The following ZMAT4 variants were observed in gnomAD, a reference collection of about 807,000 sequenced individuals.
ZMAT4 encodes zinc finger matrin-type protein 4.
In ZMAT4, 17 loss-of-function variants were observed where a neutral mutation model predicts 28.7. That is an observed-to-expected ratio of 0.59 (90% confidence interval 0.41 to 0.89). The LOEUF (loss-of-function observed/expected upper bound fraction) is 0.89, where lower values mean the gene tolerates loss of function less well. Ranked by LOEUF, ZMAT4 falls within the 40% of genes least tolerant of loss-of-function variation. The probability of loss-of-function intolerance (pLI) is 0.00; values close to 1 mark genes in which losing one functional copy is unlikely to be tolerated. For synonymous variants in ZMAT4, 117 were observed against 109.2 expected (o/e 1.07, Z -0.44); for missense variants, 240 against 283.8 (o/e 0.85, Z 1.11).
chr8:40,623,170 C>T (rs1169830206), intron 5 of ZMAT4, among the ~76,000 whole-genome samples: 2 of 152,012 alleles, frequency 1.3e-5, no homozygotes, highest in East Asian at 1.9e-4. Context: ...AAAATGGCAG[C>T]GTGGATGCTA....
At chr8:40,638,359 T>A (rs930076147) in intron 5 of ZMAT4, among the ~76,000 whole-genome samples, 4 of 152,178 alleles carry the variant, frequency 2.6e-5, no homozygotes, top group African/African-American at 9.6e-5. Context: ...CAATTAAAGA[T>A]AAAGTTAAAA....
At chr8:40,815,747 C>A (rs959601967) in intron 2 of ZMAT4, among the ~76,000 whole-genome samples, 4 of 152,202 alleles carry the variant, frequency 2.6e-5, no homozygotes, top group Non-Finnish European at 5.9e-5. Context: ...AACTGGAAAA[C>A]CTCTTGTGTT....
intron 2 of ZMAT4, among the ~76,000 whole-genome samples, chr8:40,820,290 GTGTA>G (rs1232361763): frequency 5.3e-5 from 8 of 149,598 alleles, no homozygotes; most frequent in African/African-American, 9.8e-5. Flanking sequence ...GTATTTATGT[GTGTA>G]TGTGTGTGCG....
At chr8:40,725,562 C>A (rs1220231140) in intron 3 of ZMAT4, among the ~76,000 whole-genome samples, 13 of 152,142 alleles carry the variant, frequency 8.5e-5, no homozygotes, top group Non-Finnish European at 1.9e-4. Context: ...ATGTGCTTTG[C>A]GGATCCTCTG....
At chr8:40,825,996 C>T (rs778829950) in intron 1 of ZMAT4, among the ~76,000 whole-genome samples, 5 of 152,184 alleles carry the variant, frequency 3.3e-5, no homozygotes, top group Non-Finnish European at 4.4e-5. Flanking sequence ...CCGTGGCTCA[C>T]GCCTGTAGTC....
At chr8:40,773,017 G>A (rs931677642) in intron 2 of ZMAT4, among the ~76,000 whole-genome samples, 1 of 152,204 alleles carries the variant, frequency 6.6e-6, no homozygotes, top group Non-Finnish European at 1.5e-5. Flanking sequence ...GGGTCCCAGG[G>A]ATGAGCCCTG....
chr8:40,638,541 T>G (rs1038500689), intron 5 of ZMAT4, among the ~76,000 whole-genome samples: 2 of 152,254 alleles, frequency 1.3e-5, no homozygotes, highest in Non-Finnish European at 1.5e-5. Context: ...CTATCTGTGT[T>G]TGTTATAAGG....
chr8:40,866,485 G>A (rs950338802), intron 1 of ZMAT4, among the ~76,000 whole-genome samples: 5 of 152,236 alleles, frequency 3.3e-5, no homozygotes, highest in Admixed American at 2.0e-4. Flanking sequence ...TAATAACGCT[G>A]CCCTGATTTA....
At chr8:40,808,987 T>C (rs1406952244) in intron 2 of ZMAT4, among the ~76,000 whole-genome samples, 13 of 152,192 alleles carry the variant, frequency 8.5e-5, no homozygotes, top group Non-Finnish European at 2.9e-5. Context: ...GGGTCGATTA[T>C]TCTGTCAAAA....
chr8:40,560,396 T>G (rs1001349214), intron 6 of ZMAT4, among the ~76,000 whole-genome samples: 3 of 152,060 alleles, frequency 2.0e-5, no homozygotes, highest in African/African-American at 7.2e-5. Flanking sequence ...TGCTTTTTCT[T>G]GGAAAACAAA....
chr8:40,744,307 C>T (rs1480135110), intron 3 of ZMAT4, among the ~76,000 whole-genome samples: 1 of 152,194 alleles, frequency 6.6e-6, no homozygotes, highest in Non-Finnish European at 1.5e-5. Flanking sequence ...GGCCAGTCTG[C>T]TCCTGCTAGG....
rs112272796 is a variant in ZMAT4 at position 40,532,303 on chromosome 8, T to TC, written c.675-66dup. The TC allele has an allele frequency of 2.7e-3, 3,896 of 1,458,724 alleles. 16 individuals are homozygous for TC. The highest frequency in any genetic ancestry group is 2.9e-3 in the Non-Finnish European group (3,099 of 1,070,794). 90.4% of individuals were successfully genotyped at this position (1,458,724 alleles called of 1,614,324 possible). ...AATTACAAATTCCAACACCTCTTTC[T>TC]CCCCCCCACCCCCTGTCTCTCTTCT... On this transcript the variant is annotated intron_variant, in intron 6 of 6. Transcript: ENST00000297737.
chr8:40,682,781 G>C (rs1298436390), intron 4 of ZMAT4, among the ~76,000 whole-genome samples: 2 of 152,170 alleles, frequency 1.3e-5, no homozygotes, highest in South Asian at 2.1e-4. Flanking sequence ...TTCGTTAAGA[G>C]AGTATTCATA....
At chr8:40,679,378 A>AT (rs1809050651) in intron 4 of ZMAT4, among the ~76,000 whole-genome samples, 1 of 152,182 alleles carries the variant, frequency 6.6e-6, no homozygotes, top group African/African-American at 2.4e-5. Context: ...CCCTACTAAT[A>AT]AAGACATACC....
intron 1 of ZMAT4, among the ~76,000 whole-genome samples, chr8:40,886,195 C>G (rs1243693430): frequency 6.6e-6 from 1 of 152,214 alleles, no homozygotes; most frequent in East Asian, 1.9e-4. Flanking sequence ...GCCCCAGAGC[C>G]AGGGTGTCCC....
At chr8:40,544,846 T>C (rs549884622) in intron 6 of ZMAT4, among the ~76,000 whole-genome samples, 1 of 152,310 alleles carries the variant, frequency 6.6e-6, no homozygotes, top group South Asian at 2.1e-4. Flanking sequence ...TAGCAGCTTC[T>C]GAAATTGCCT....
At chr8:40,626,150 G>T (rs36049339) in intron 5 of ZMAT4, among the ~76,000 whole-genome samples, 1 of 32,222 alleles carries the variant, frequency 3.1e-5, no homozygotes, top group Non-Finnish European at 1.1e-4. Context: ...GGAAGTCTTG[G>T]GGGGTAAATA....
chr8:40,762,783 G>T (rs1812992196), intron 3 of ZMAT4, among the ~76,000 whole-genome samples: 1 of 152,214 alleles, frequency 6.6e-6, no homozygotes, highest in African/African-American at 2.4e-5. Flanking sequence ...ACTTTCCAGA[G>T]GAAGGCCCTG....
intron 3 of ZMAT4, among the ~76,000 whole-genome samples, chr8:40,753,997 C>T (rs1812565845): frequency 6.6e-6 from 1 of 152,060 alleles, no homozygotes; most frequent in South Asian, 2.1e-4. Flanking sequence ...CATGGTGAAA[C>T]TCCATCTCTA....
Sources: allele counts gnomAD v4.1 joint callset (sites outside exome capture counted in the v4.1 genomes callset), GRCh38; gene constraint gnomAD v4.1.1; transcripts MANE v1.5; gene names NCBI Gene and HGNC (gene_info 2026-07-23, HGNC 2026-07-21).